MAGI1: variants seen among roughly 807,000 people sequenced by gnomAD.
The protein encoded by MAGI1 is membrane associated guanylate kinase, WW and PDZ domain containing 1, also known as membrane-associated guanylate kinase, WW and PDZ domain-containing protein 1.
A neutral mutation model predicts 139.9 loss-of-function variants in MAGI1; 58 were observed. The ratio of observed to expected loss-of-function variants is 0.41; its 90% confidence interval spans 0.34 to 0.52. The LOEUF is 0.52. Among genes scored for constraint, MAGI1 ranks in the 20% least tolerant of loss-of-function variants. The probability of loss-of-function intolerance (pLI) is 0.12; values close to 1 mark genes in which losing one functional copy is unlikely to be tolerated. For missense variants in MAGI1, 1,874 were observed against 1,901.6 expected, an observed-to-expected ratio of 0.99 and a Z score of 0.27; for synonymous variants, 812 against 737.9, an observed-to-expected ratio of 1.10 and a Z score of -1.63.
chr3:65,876,830 G>A (rs181508989), intron 1 of MAGI1, among the ~76,000 whole-genome samples: 3 of 148,842 alleles, frequency 2.0e-5, no homozygotes, highest in Admixed American at 6.7e-5. Flanking sequence ...TGCAAGCTCC[G>A]CTTCCCAGGT....
chr3:65,923,900 T>A (rs554371277), intron 1 of MAGI1, among the ~76,000 whole-genome samples: 2 of 152,212 alleles, frequency 1.3e-5, no homozygotes, highest in Non-Finnish European at 2.9e-5. Context: ...CTGTAGAGGA[T>A]AAGCACCTAA....
chr3:65,572,162 T>C (rs934086580), intron 2 of MAGI1, among the ~76,000 whole-genome samples: 1 of 152,180 alleles, frequency 6.6e-6, no homozygotes, highest in African/African-American at 2.4e-5. Context: ...ATTTATTATG[T>C]GCCAGGTACC....
intron 5 of MAGI1, among the ~76,000 whole-genome samples, chr3:65,464,008 C>A (rs1950000247): frequency 1.3e-5 from 2 of 152,146 alleles, no homozygotes; most frequent in African/African-American, 4.8e-5. Flanking sequence ...TTATTCTATT[C>A]TTCTCTCTTT....
chr3:65,376,582 C>T (rs1942553136), intron 17 of MAGI1, among the ~76,000 whole-genome samples: 1 of 152,094 alleles, frequency 6.6e-6, no homozygotes, highest in African/African-American at 2.4e-5. Flanking sequence ...AAGAAAGCAC[C>T]CAACCTTGAA....
intron 2 of MAGI1, among the ~76,000 whole-genome samples, chr3:65,562,784 G>A (rs897491604): frequency 1.3e-5 from 2 of 152,168 alleles, no homozygotes; most frequent in Non-Finnish European, 2.9e-5. Context: ...ACCAGTAAAC[G>A]ATGAGTTAAT....
At position 65,738,145 on chromosome 3, in the gene MAGI1, T is replaced by C. The variant is rs77013582; in HGVS notation, c.314-116057A>G. Among the ~76,000 whole-genome samples, 1,049 of 152,320 alleles carry C rather than the reference T, an allele frequency of 6.9e-3. 29 individuals are homozygous for C. The highest frequency in any genetic ancestry group is 0.035 in the East Asian group (179 of 5,178). On this transcript the variant is annotated intron_variant, in intron 1 of 22. Coordinates refer to ENST00000402939, the MANE Select transcript of MAGI1 (RefSeq NM_001033057.2). ...CATCAATATCCTCAGAGAATACTTA[T>C]ACAGGCATAGCTCACAGATACTGTG...
chr3:65,578,657 C>T (rs1219784602), intron 2 of MAGI1, among the ~76,000 whole-genome samples: 5 of 152,178 alleles, frequency 3.3e-5, no homozygotes, highest in African/African-American at 9.6e-5. Context: ...CCATGGCTCA[C>T]GCCTGTAATC....
intron 1 of MAGI1, among the ~76,000 whole-genome samples, chr3:65,953,443 C>T (rs2063961378): frequency 6.6e-6 from 1 of 152,182 alleles, no homozygotes; most frequent in Non-Finnish European, 1.5e-5. Flanking sequence ...ACCTCCCCAG[C>T]CTGAGAGCGA....
intron 1 of MAGI1, among the ~76,000 whole-genome samples, chr3:66,010,621 T>C (rs1283242251): frequency 2.0e-5 from 3 of 152,228 alleles, no homozygotes; most frequent in Non-Finnish European, 4.4e-5. Context: ...TCTGGCTATA[T>C]GGGGCTCTGA....
At chr3:65,506,111 T>C (rs1559617425) in intron 2 of MAGI1, among the ~76,000 whole-genome samples, 1 of 152,130 alleles carries the variant, frequency 6.6e-6, no homozygotes, top group African/African-American at 2.4e-5. Context: ...GAGAAACTGT[T>C]AAAAAATCTA....
intron 1 of MAGI1, among the ~76,000 whole-genome samples, chr3:66,006,131 A>G (rs1357109214): frequency 1.3e-5 from 2 of 152,220 alleles, no homozygotes; most frequent in Non-Finnish European, 2.9e-5. Flanking sequence ...ACAGAAATCT[A>G]TCACATTCAT....
At chr3:65,809,789 G>T (rs187255420) in intron 1 of MAGI1, among the ~76,000 whole-genome samples, 72 of 152,254 alleles carry the variant, frequency 4.7e-4, no homozygotes, top group African/African-American at 1.5e-3. Flanking sequence ...ATTCCATTCC[G>T]TTTTGTCTTG....
chr3:65,610,452 T>C (rs1012964118), intron 2 of MAGI1, among the ~76,000 whole-genome samples: 1 of 152,080 alleles, frequency 6.6e-6, no homozygotes, highest in Non-Finnish European at 1.5e-5. Context: ...AGTCATATTA[T>C]ACATTTAAAG....
intron 1 of MAGI1, among the ~76,000 whole-genome samples, chr3:65,952,270 A>G (rs924966380): frequency 2.0e-5 from 3 of 152,108 alleles, no homozygotes; most frequent in Non-Finnish European, 4.4e-5. Context: ...TTAGGATGTA[A>G]TTTTGCCTTG....
intron 5 of MAGI1, among the ~76,000 whole-genome samples, chr3:65,464,489 T>A (rs1315778634): frequency 6.6e-6 from 1 of 152,166 alleles, no homozygotes; most frequent in African/African-American, 2.4e-5. Context: ...CCCTTGAGAC[T>A]TCCTCTTTGA....
chr3:65,923,938 T>C (rs2062364810), intron 1 of MAGI1, among the ~76,000 whole-genome samples: 1 of 152,370 alleles, frequency 6.6e-6, no homozygotes, highest in East Asian at 1.9e-4. Flanking sequence ...ACCTGAATTT[T>C]ATATTAAGAG....
At chr3:66,011,308 G>A (rs1022943417) in intron 1 of MAGI1, among the ~76,000 whole-genome samples, 1 of 152,152 alleles carries the variant, frequency 6.6e-6, no homozygotes, top group Non-Finnish European at 1.5e-5. Context: ...GTCCTAGAGC[G>A]ACGAAAAGAT....
chr3:65,534,307 C>A (rs1244287174), intron 2 of MAGI1, among the ~76,000 whole-genome samples: 1 of 151,962 alleles, frequency 6.6e-6, no homozygotes, highest in Non-Finnish European at 1.5e-5. Context: ...GATGGCAAAA[C>A]CTCATCTCTA....
Position 65,364,705 on chromosome 3 carries a change from T to C in MAGI1, c.3311A>G (p.Gln1104Arg). 5 of 1,614,152 alleles carry C rather than the reference T, an allele frequency of 3.1e-6. No homozygotes were observed. The highest frequency in any genetic ancestry group is 4.2e-6 in the Non-Finnish European group (5 of 1,179,978). ...TGCTTTGAACTCAAATTGAGATTCCTGCTTTGGTTTGGTGGTATTCCTGCC... is the reference window on the plus strand; with the variant it reads ...TGCTTTGAACTCAAATTGAGATTCCCGCTTTGGTTTGGTGGTATTCCTGCC... ...QETRNTTKPK[Q>R]ESQFEFKAPQ... Residue 1104 changes from glutamine to arginine, a missense_variant, in exon 20 of 23, where the codon CAG becomes CGG. Gln to Arg is a conservative substitution (Grantham distance 43). Coordinates refer to ENST00000402939, the MANE Select transcript of MAGI1 (RefSeq NM_001033057.2).
Sources: allele counts gnomAD v4.1 joint callset (sites outside exome capture counted in the v4.1 genomes callset), GRCh38; gene constraint gnomAD v4.1.1; transcripts MANE v1.5; gene names NCBI Gene and HGNC (gene_info 2026-07-23, HGNC 2026-07-21).